The following TPTE variants were observed in gnomAD, a reference collection of about 807,000 sequenced individuals.
The protein encoded by TPTE is putative tyrosine-protein phosphatase TPTE.
TPTE carries 59 observed loss-of-function variants against 84.1 expected under a neutral mutation model. That is an observed-to-expected ratio of 0.70 (90% CI 0.57 to 0.87). The LOEUF (loss-of-function observed/expected upper bound fraction) is 0.87. Ranked by LOEUF, TPTE falls within the 40% of genes least tolerant of loss-of-function variation. The probability of loss-of-function intolerance (pLI) is 0.00; values close to 1 mark genes in which losing one functional copy is unlikely to be tolerated. For synonymous variants in TPTE, 130 were observed against 223.5 expected (o/e 0.58, Z 3.73); for missense variants, 382 against 659.6 (o/e 0.58, Z 4.61).
intron 10 of TPTE, among the ~76,000 whole-genome samples, chr21:10,561,559 C>G (rs1331657637): frequency 6.6e-6 from 1 of 152,238 alleles, no homozygotes; most frequent in East Asian, 1.9e-4. Flanking sequence ...GACTTAAGAG[C>G]CTTTGGGCCT....
chr21:10,577,810 C>G (rs577805818), intron 15 of TPTE, among the ~76,000 whole-genome samples: 2 of 152,414 alleles, frequency 1.3e-5, no homozygotes, highest in East Asian at 3.9e-4. Context: ...GAAAATCTTT[C>G]TGTTTTTCTT....
intron 7 of TPTE, among the ~76,000 whole-genome samples, chr21:10,550,319 A>G (rs532723921): frequency 1.8e-4 from 27 of 151,886 alleles, no homozygotes; most frequent in Admixed American, 1.1e-3. Context: ...AGACCCCACT[A>G]TATTTTATCT....
At chr21:10,560,199 T>G (rs2074768940) in intron 9 of TPTE, among the ~76,000 whole-genome samples, 1 of 152,302 alleles carries the variant, frequency 6.6e-6, no homozygotes, top group African/African-American at 2.4e-5. Flanking sequence ...TCTATAATTA[T>G]TAGTAAAGTG....
Position 10,536,776 on chromosome 21 carries a change from A to T in TPTE, c.-43-1905A>T, listed in dbSNP as rs540981095. Among the ~76,000 whole-genome samples the T allele has an allele frequency of 9.2e-5, 14 of 152,424 alleles. No individual in the cohort carries two copies. The East Asian group carries it at 2.3e-3, about 25-fold the overall frequency. On this transcript the variant is annotated intron_variant, in intron 3 of 23. Coordinates refer to ENST00000618007, the MANE Select transcript of TPTE (RefSeq NM_199261.4). ...AAAAAGGAACAGGGCAAAAAAGGGA[A>T]ACTTCTTGTTATTGTCTTGTCACCC...
At chr21:10,545,524 TC>T (rs1175522593) in intron 7 of TPTE, among the ~76,000 whole-genome samples, 7 of 152,304 alleles carry the variant, frequency 4.6e-5, no homozygotes, top group African/African-American at 1.7e-4. Context: ...TAAAATGACA[TC>T]AGTAGTCTTT....
At chr21:10,527,638 C>G (rs1363602971) in intron 3 of TPTE, among the ~76,000 whole-genome samples, 5 of 152,304 alleles carry the variant, frequency 3.3e-5, no homozygotes, top group Admixed American at 2.6e-4. Flanking sequence ...GTATGAGACT[C>G]TCTTCAAGAG....
At chr21:10,594,268 C>T (rs1411307394) in intron 19 of TPTE, among the ~76,000 whole-genome samples, 3 of 152,426 alleles carry the variant, frequency 2.0e-5, no homozygotes, top group African/African-American at 7.2e-5. Context: ...TCCTAGAGTC[C>T]CTTTCCCTTC....
At chr21:10,558,700 G>A (rs1198474028) in intron 8 of TPTE, among the ~76,000 whole-genome samples, 1 of 152,086 alleles carries the variant, frequency 6.6e-6, no homozygotes, top group Non-Finnish European at 1.5e-5. Flanking sequence ...TCCTGTGTTG[G>A]AGGCTTCAGT....
intron 9 of TPTE, 87 bp downstream of exon 9, chr21:10,559,631 T>C (rs1461194428): frequency 6.2e-7 from 1 of 1,603,362 alleles, no homozygotes; most frequent in East Asian, 2.2e-5. Context: ...CCCAGCACCC[T>C]GGGAGGCCGA....
intron 12 of TPTE, 46 bp from the exon 13 acceptor site, chr21:10,569,637 A>G (rs757989190): frequency 4.8e-5 from 78 of 1,613,818 alleles, no homozygotes; most frequent in Non-Finnish European, 6.4e-5. Flanking sequence ...TTTTATTTTT[A>G]TGTTGATGAG....
intron 19 of TPTE, among the ~76,000 whole-genome samples, chr21:10,594,046 C>T (rs1489204847): frequency 6.6e-6 from 1 of 152,312 alleles, no homozygotes; most frequent in Non-Finnish European, 1.5e-5. Context: ...CTAATCATGC[C>T]ATTTCCATGC....
At chr21:10,536,274 T>TA (rs914421441) in intron 3 of TPTE, among the ~76,000 whole-genome samples, 4 of 152,282 alleles carry the variant, frequency 2.6e-5, no homozygotes, top group South Asian at 2.1e-4. Context: ...AGACTCCGCC[T>TA]AAAAAAAAGG....
At chr21:10,548,088 C>T (rs1223696323) in intron 7 of TPTE, among the ~76,000 whole-genome samples, 1 of 152,308 alleles carries the variant, frequency 6.6e-6, no homozygotes, top group Non-Finnish European at 1.5e-5. Flanking sequence ...AGAAACAGTC[C>T]CACAGGCTGC....
intron 23 of TPTE, among the ~76,000 whole-genome samples, chr21:10,604,932 G>C (rs1979090885): frequency 6.6e-6 from 1 of 152,300 alleles, no homozygotes; most frequent in African/African-American, 2.4e-5. Context: ...AGAACACGAG[G>C]CATAAATGGG....
At chr21:10,526,720 G>A (rs1282094285) in intron 2 of TPTE, among the ~76,000 whole-genome samples, 3 of 152,304 alleles carry the variant, frequency 2.0e-5, no homozygotes, top group African/African-American at 7.2e-5. Flanking sequence ...GATTTTTATG[G>A]CATAATATAT....
chr21:10,541,270 G>A (rs1214274175), intron 5 of TPTE, 105 bp downstream of exon 5: 117 of 1,499,618 alleles, frequency 7.8e-5, no homozygotes, highest in Non-Finnish European at 1.0e-4. Context: ...TCGGGTGTTC[G>A]AGACCAGGCT....
At chr21:10,554,829 A>C (rs2074648637) in intron 8 of TPTE, among the ~76,000 whole-genome samples, 1 of 152,428 alleles carries the variant, frequency 6.6e-6, no homozygotes, top group East Asian at 1.9e-4. Context: ...AAAGTGTAGA[A>C]ATTTACTTTT....
At chr21:10,601,244 C>T (rs1978462840) in intron 21 of TPTE, among the ~76,000 whole-genome samples, 1 of 152,310 alleles carries the variant, frequency 6.6e-6, no homozygotes, top group Non-Finnish European at 1.5e-5. Flanking sequence ...GTGGCCCATG[C>T]CTGTAATCCC....
At chr21:10,566,987 A>AG (rs2074934482) in intron 10 of TPTE, among the ~76,000 whole-genome samples, 1 of 152,288 alleles carries the variant, frequency 6.6e-6, no homozygotes, top group Admixed American at 6.5e-5. Context: ...CAAAAAAAAA[A>AG]AAAAAAAATA....
Sources: allele counts gnomAD v4.1 joint callset (sites outside exome capture counted in the v4.1 genomes callset), GRCh38; gene constraint gnomAD v4.1.1; transcripts MANE v1.5; gene names NCBI Gene and HGNC (gene_info 2026-07-23, HGNC 2026-07-21).